Variants in CEP63 observed in about 807,000 individuals in gnomAD.
CEP63 encodes centrosomal protein of 63 kDa.
In CEP63, 84 loss-of-function variants were observed where a neutral mutation model predicts 89.1. The ratio of observed to expected loss-of-function variants is 0.94; its 90% confidence interval spans 0.79 to 1.13. The LOEUF (loss-of-function observed/expected upper bound fraction) is 1.13, where lower values mean the gene tolerates loss of function less well. Ranked by LOEUF, CEP63 falls within the 50% of genes most tolerant of loss-of-function variation. The pLI is 0.00. For missense variants in CEP63, 838 were observed against 813.3 expected (o/e 1.03, Z -0.37); for synonymous variants, 267 against 272.5 (o/e 0.98, Z 0.20).
At position 134,561,665 on chromosome 3, in the gene CEP63, GA is replaced by G; in HGVS notation, c.*133del. ...ATGATACATCTAAAGCAGTGGTGAA[GA>G]AAGCTGAAAAACTGATACTTTTGAT... is the stretch of plus-strand genomic sequence containing the variant. On this transcript the variant is annotated 3_prime_UTR_variant, in exon 15 of 15. Transcript: ENST00000675561. The G allele has an allele frequency of 6.7e-7, 1 of 1,483,846 alleles. No homozygotes were observed. Among genetic ancestry groups the G allele is most frequent in the Non-Finnish European group, 8.9e-7 (1 of 1,121,862 alleles). The allele number at this position is 1,483,846 out of a possible 1,614,324, so 91.9% of individuals were successfully genotyped here. A position where few individuals can be genotyped will look rare whatever the true frequency, so the allele number is the denominator to read the frequency against.
the CEP63 span, among the ~76,000 whole-genome samples, chr3:134,764,840 C>T: frequency 6.6e-6 from 1 of 152,244 alleles, no homozygotes; most frequent in Non-Finnish European, 1.5e-5. Context: ...AGGTTACAGC[C>T]CCCAGGAGAG....
the CEP63 span, among the ~76,000 whole-genome samples, chr3:134,681,869 A>G: frequency 6.6e-6 from 1 of 152,214 alleles, no homozygotes; most frequent in Non-Finnish European, 1.5e-5. Flanking sequence ...GAAGAAACTG[A>G]GGCTCAGAGA....
chr3:134,620,944 T>G, the CEP63 span: 1 of 789,916 alleles, frequency 1.3e-6, no homozygotes, highest in Non-Finnish European at 2.2e-6. Flanking sequence ...CCAGTGCTGC[T>G]CTTCCTCCAG....
intron 2 of CEP63, among the ~76,000 whole-genome samples, chr3:134,500,945 T>A (rs866104137): frequency 1.3e-5 from 2 of 150,086 alleles, no homozygotes; most frequent in Admixed American, 1.3e-4. Flanking sequence ...TTTCCTAGAT[T>A]TTTCTCCTAG....
the CEP63 span, among the ~76,000 whole-genome samples, chr3:134,778,348 C>T: frequency 6.6e-6 from 1 of 152,008 alleles, no homozygotes; most frequent in Non-Finnish European, 1.5e-5. Flanking sequence ...CTGCCCACCT[C>T]GCCCTCCCAA....
chr3:134,495,373 G>A lies in CEP63; in HGVS notation c.44+9G>A. 1 of 1,605,056 alleles carries A rather than the reference G, an allele frequency of 6.2e-7. No homozygotes were observed. The highest frequency in any genetic ancestry group is 1.3e-5 in the African/African-American group (1 of 74,792). On this transcript the variant is annotated intron_variant, in intron 2 of 14. Coordinates refer to ENST00000675561, the MANE Select transcript of CEP63 (RefSeq NM_001353108.3). ...AATCGAGGGCATGGTGGGTAAGTTT[G>A]CTTTTTTTAAAATTAATTTTTTTGG... is the stretch of plus-strand genomic sequence containing the variant.
the CEP63 span, among the ~76,000 whole-genome samples, chr3:134,649,778 C>T: frequency 6.6e-6 from 1 of 152,242 alleles, no homozygotes; most frequent in Non-Finnish European, 1.5e-5. Context: ...AGGCCATCCA[C>T]AGCAGCATTA....
the CEP63 span, among the ~76,000 whole-genome samples, chr3:134,736,805 G>A: frequency 1.3e-5 from 2 of 152,154 alleles, no homozygotes; most frequent in Non-Finnish European, 2.9e-5. Flanking sequence ...GAATTTACAT[G>A]GAAGAACATT....
At chr3:134,522,466 T>C (rs955385642) in intron 3 of CEP63, among the ~76,000 whole-genome samples, 6 of 152,206 alleles carry the variant, frequency 3.9e-5, no homozygotes, top group African/African-American at 1.4e-4. Context: ...TTTTCTTTTT[T>C]TAAAATTTAA....
At chr3:134,616,996 A>G in the CEP63 span, among the ~76,000 whole-genome samples, 3 of 152,162 alleles carry the variant, frequency 2.0e-5, no homozygotes, top group Non-Finnish European at 4.4e-5. Flanking sequence ...GAACAAAACT[A>G]ATAGGTGGTA....
At chr3:134,618,229 T>C in the CEP63 span, among the ~76,000 whole-genome samples, 1 of 152,014 alleles carries the variant, frequency 6.6e-6, no homozygotes, top group Non-Finnish European at 1.5e-5. Flanking sequence ...CAGGAATAGG[T>C]TGCATGCACC....
At chr3:134,627,091 T>C in the CEP63 span, among the ~76,000 whole-genome samples, 1 of 152,356 alleles carries the variant, frequency 6.6e-6, no homozygotes, top group Admixed American at 6.5e-5. Context: ...TTTTCCCCTT[T>C]CTTGGTTCCA....
At chr3:134,754,333 C>G in the CEP63 span, among the ~76,000 whole-genome samples, 1 of 152,164 alleles carries the variant, frequency 6.6e-6, no homozygotes, top group Non-Finnish European at 1.5e-5. Context: ...CCATATTCGC[C>G]CGCCAGGAAT....
chr3:134,668,128 C>T, the CEP63 span, among the ~76,000 whole-genome samples: 21 of 152,196 alleles, frequency 1.4e-4, no homozygotes, highest in African/African-American at 1.9e-4. Context: ...TTGCAGGAAC[C>T]GCCTCACATC....
At chr3:134,486,251 C>G (rs1269376595) in intron 1 of CEP63, 49 bp downstream of exon 1, 1 of 985,472 alleles carries the variant, frequency 1.0e-6, no homozygotes, top group African/African-American at 1.7e-5. Flanking sequence ...CCTGTAACCG[C>G]CGGTGCGCAA....
At chr3:134,540,832 T>C (rs1476936325) in intron 6 of CEP63, among the ~76,000 whole-genome samples, 2 of 151,294 alleles carry the variant, frequency 1.3e-5, no homozygotes, top group Admixed American at 1.3e-4. Flanking sequence ...TTGCCCAGCC[T>C]GGAGTACAGT....
chr3:134,540,858 G>C (rs1951856663), intron 6 of CEP63, among the ~76,000 whole-genome samples: 1 of 150,012 alleles, frequency 6.7e-6, no homozygotes, highest in Non-Finnish European at 1.5e-5. Flanking sequence ...GATCTCGGCT[G>C]ACTGCAACCT....
chr3:134,658,412 C>T, the CEP63 span, among the ~76,000 whole-genome samples: 11 of 152,124 alleles, frequency 7.2e-5, no homozygotes, highest in Admixed American at 2.0e-4. Context: ...TGTTGTATTT[C>T]GTAGCAAAGT....
At chr3:134,616,880 A>T in the CEP63 span, among the ~76,000 whole-genome samples, 3 of 152,212 alleles carry the variant, frequency 2.0e-5, no homozygotes, top group African/African-American at 7.2e-5. Flanking sequence ...GTAACCCCCA[A>T]ACTGCAGTCT....
Sources: gnomAD v4.1 joint callset for allele counts (sites outside exome capture counted in the v4.1 genomes callset) on GRCh38, gnomAD v4.1.1 for gene constraint, MANE v1.5 for transcripts, NCBI Gene and HGNC (gene_info 2026-07-23, HGNC 2026-07-21) for gene names.